The following NLGN1 variants were observed in gnomAD, a reference collection of about 807,000 sequenced individuals.
NLGN1 encodes the protein neuroligin 1, also known as neuroligin-1.
A neutral mutation model predicts 65.5 loss-of-function variants in NLGN1; 12 were observed. The observed-to-expected ratio is 0.18, with a 90% CI of 0.12 to 0.30. NLGN1 has a LOEUF of 0.30. Ranked by LOEUF, NLGN1 falls within the 10% of genes least tolerant of loss-of-function variation. The pLI, the probability that NLGN1 is intolerant of heterozygous loss-of-function variation, is 1.00. For synonymous variants in NLGN1, 350 were observed against 359.5 expected (o/e 0.97, Z 0.30); for missense variants, 750 against 1,007.1 (o/e 0.74, Z 3.46).
At chr3:173,918,633 A>G (rs1370978238) in intron 4 of NLGN1, among the ~76,000 whole-genome samples, 6 of 71,740 alleles carry the variant, frequency 8.4e-5, no homozygotes, top group African/African-American at 4.3e-4. Flanking sequence ...TCCATCTCAA[A>G]AAAAAAAAAA....
intron 4 of NLGN1, among the ~76,000 whole-genome samples, chr3:173,925,990 T>C (rs1742927237): frequency 6.6e-6 from 1 of 152,034 alleles, no homozygotes; most frequent in East Asian, 1.9e-4. Flanking sequence ...TTCATTCTTA[T>C]TTTTAGTGCT....
chr3:174,036,523 G>A (rs1731158159), intron 4 of NLGN1, among the ~76,000 whole-genome samples: 1 of 151,280 alleles, frequency 6.6e-6, no homozygotes, highest in Non-Finnish European at 1.5e-5. Flanking sequence ...AGATAGTAGG[G>A]AACAACCCAA....
intron 2 of NLGN1, among the ~76,000 whole-genome samples, chr3:173,477,560 T>A (rs1009412210): frequency 1.3e-5 from 2 of 151,620 alleles, no homozygotes; most frequent in Non-Finnish European, 2.9e-5. Flanking sequence ...AGAAAAAAAA[T>A]AATGAAACCT....
At chr3:173,818,686 C>G (rs1206662599) in intron 4 of NLGN1, among the ~76,000 whole-genome samples, 1 of 152,082 alleles carries the variant, frequency 6.6e-6, no homozygotes, top group Non-Finnish European at 1.5e-5. Flanking sequence ...AACCTTGGAA[C>G]TTTGCAGAGA....
chr3:173,853,739 A>G (rs994196954), intron 4 of NLGN1, among the ~76,000 whole-genome samples: 8 of 152,066 alleles, frequency 5.3e-5, no homozygotes, highest in African/African-American at 9.6e-5. Context: ...TTGACTATGT[A>G]TAAGCTTCAC....
intron 2 of NLGN1, among the ~76,000 whole-genome samples, chr3:173,585,487 C>T (rs1747246790): frequency 1.3e-5 from 2 of 152,110 alleles, no homozygotes; most frequent in Non-Finnish European, 2.9e-5. Context: ...TCCCCCACCC[C>T]TCTCTTCCTA....
chr3:173,695,123 A>G (rs890267018), intron 3 of NLGN1, among the ~76,000 whole-genome samples: 4 of 152,184 alleles, frequency 2.6e-5, no homozygotes, highest in Non-Finnish European at 4.4e-5. Flanking sequence ...TAAAAATCCC[A>G]TATTTTATGG....
chr3:173,999,667 C>A (rs767414697), intron 4 of NLGN1, among the ~76,000 whole-genome samples: 1 of 152,114 alleles, frequency 6.6e-6, no homozygotes, highest in Non-Finnish European at 1.5e-5. Context: ...CCTGCAGGAA[C>A]AATTTGTAAG....
At chr3:173,588,176 C>T (rs1560009424) in intron 2 of NLGN1, among the ~76,000 whole-genome samples, 1 of 152,256 alleles carries the variant, frequency 6.6e-6, no homozygotes, top group South Asian at 2.1e-4. Context: ...TTTGTGAACA[C>T]TCATGATGAG....
intron 2 of NLGN1, among the ~76,000 whole-genome samples, chr3:173,509,411 G>T (rs374953233): frequency 6.6e-6 from 1 of 150,958 alleles, no homozygotes; most frequent in African/African-American, 2.4e-5. Flanking sequence ...TATTTAGTTC[G>T]TGACCTGCCT....
chr3:174,077,636 G>A (rs546803475), intron 4 of NLGN1, among the ~76,000 whole-genome samples: 2 of 151,938 alleles, frequency 1.3e-5, no homozygotes, highest in South Asian at 4.2e-4. Context: ...ACTCACTGCA[G>A]CCTCCGCCTC....
At chr3:173,530,572 A>C (rs1322111039) in intron 2 of NLGN1, among the ~76,000 whole-genome samples, 4 of 152,230 alleles carry the variant, frequency 2.6e-5, no homozygotes, top group Non-Finnish European at 5.9e-5. Context: ...GAGTGAATTA[A>C]AAATTTTCAT....
At chr3:173,733,477 G>A (rs1214196493) in intron 3 of NLGN1, among the ~76,000 whole-genome samples, 1 of 151,930 alleles carries the variant, frequency 6.6e-6, no homozygotes, top group Non-Finnish European at 1.5e-5. Flanking sequence ...CAGCTGTACT[G>A]TCAGGGAGGA....
chr3:174,148,802 C>T (rs1035905754), intron 4 of NLGN1, among the ~76,000 whole-genome samples: 2 of 151,942 alleles, frequency 1.3e-5, no homozygotes, highest in Non-Finnish European at 2.9e-5. Context: ...TGTCCCTGGC[C>T]CTAGTATGTG....
chr3:173,930,058 C>CA (rs1170542294), intron 4 of NLGN1, among the ~76,000 whole-genome samples: 2 of 151,690 alleles, frequency 1.3e-5, no homozygotes, highest in Admixed American at 6.6e-5. Context: ...CACCTGATGG[C>CA]AAAAAAACAA....
intron 2 of NLGN1, among the ~76,000 whole-genome samples, chr3:173,592,042 A>G (rs183297267): frequency 6.6e-6 from 1 of 152,224 alleles, no homozygotes; most frequent in East Asian, 1.9e-4. Context: ...ATCCTGTGGT[A>G]TTTTACATAT....
intron 4 of NLGN1, among the ~76,000 whole-genome samples, chr3:173,840,409 T>C (rs1724561450): frequency 6.6e-6 from 1 of 152,204 alleles, no homozygotes. Flanking sequence ...CCAAGAACTT[T>C]AGAATTGCTT....
At chr3:174,073,210 CA>C (rs763212930) in intron 4 of NLGN1, among the ~76,000 whole-genome samples, 35 of 151,416 alleles carry the variant, frequency 2.3e-4, no homozygotes, top group Admixed American at 9.9e-4. Flanking sequence ...AGTGAAGAAA[CA>C]GAATGAAGTC....
At chr3:173,630,517 TG>T (rs1477833671) in intron 3 of NLGN1, among the ~76,000 whole-genome samples, 1 of 152,110 alleles carries the variant, frequency 6.6e-6, no homozygotes, top group Non-Finnish European at 1.5e-5. Context: ...AAAAATCAAG[TG>T]GTCTAGTATT....
Sources: allele counts gnomAD v4.1 joint callset (sites outside exome capture counted in the v4.1 genomes callset), GRCh38; gene constraint gnomAD v4.1.1; transcripts MANE v1.5; gene names NCBI Gene and HGNC (gene_info 2026-07-23, HGNC 2026-07-21).